Variants in SLC5A4 observed in about 807,000 individuals in gnomAD.
SLC5A4 encodes the protein solute carrier family 5 member 4, also known as probable glucose sensor protein SLC5A4.
A neutral mutation model predicts 70.3 loss-of-function variants in SLC5A4; 55 were observed. The ratio of observed to expected loss-of-function variants is 0.78; its 90% confidence interval spans 0.63 to 0.98. The LOEUF is 0.98. Among genes scored for constraint, SLC5A4 ranks in the 50% least tolerant of loss-of-function variants. The pLI, the probability that SLC5A4 is intolerant of heterozygous loss-of-function variation, is 0.00. For synonymous variants in SLC5A4, 268 were observed against 305.7 expected (o/e 0.88, Z 1.29); for missense variants, 735 against 839.2 (o/e 0.88, Z 1.53).
At chr22:32,290,583 G>T in the SLC5A4 span, among the ~76,000 whole-genome samples, 1 of 152,012 alleles carries the variant, frequency 6.6e-6, no homozygotes, top group African/African-American at 2.4e-5. Flanking sequence ...GTCCTTTTGG[G>T]TTGCTGTGAC....
chr22:32,254,192 C>G lies in SLC5A4; in HGVS notation c.157G>C (p.Gly53Arg), dbSNP rs1399275118. ...GLWAMLKTNR[G>R]TIGGFFLAGR... ...GCGAGGAAGAAGCCTCCTATAGTAC[C>G]TCGGTTGGTCTTCAGCATCGCCTGA... The change falls in exon 2 of 15, where the codon GGT becomes CGT. Residue 53 changes from glycine (G) to arginine (R), a missense_variant. Physicochemically the swap from Gly to Arg is moderately radical, Grantham distance 125. Transcript: ENST00000266086. 6.2e-7 allele frequency: 1 copy of G among 1,613,984 alleles called. No homozygotes were observed. Among genetic ancestry groups the G allele is most frequent in the Non-Finnish European group, 8.5e-7 (1 of 1,179,888 alleles).
At position 32,239,071 on chromosome 22, in the gene SLC5A4, G is replaced by C; in HGVS notation, c.497C>G (p.Ala166Gly). Residue 166 changes from alanine (A) to glycine (G), a missense_variant, in exon 6 of 15, where the codon GCC becomes GGC. By Grantham distance (60) the Ala-to-Gly change is moderately conservative (BLOSUM62 0). Transcript: ENST00000266086. ...LLISADIFAG[A>G]IFIKLALGLD... ...TCCCAAGGCCAGCTTGATGAATATG[G>C]CTCCAGCAAATATGTCTGCCTAAAA... 1 of 1,613,618 alleles carries C rather than the reference G, an allele frequency of 6.2e-7. No homozygotes were observed. The highest frequency in any genetic ancestry group is 8.5e-7 in the Non-Finnish European group (1 of 1,179,628).
At chr22:32,228,619 T>A (rs962752690) in intron 11 of SLC5A4, among the ~76,000 whole-genome samples, 1 of 151,760 alleles carries the variant, frequency 6.6e-6, no homozygotes, top group African/African-American at 2.4e-5. Flanking sequence ...TGGTATCGAT[T>A]TTTTTCCTCT....
chr22:32,306,651 C>A, the SLC5A4 span, among the ~76,000 whole-genome samples: 1 of 152,262 alleles, frequency 6.6e-6, no homozygotes, highest in East Asian at 1.9e-4. Flanking sequence ...ATATTTCCAT[C>A]CCCCAACCCC....
At chr22:32,339,705 A>G in the SLC5A4 span, among the ~76,000 whole-genome samples, 2 of 152,192 alleles carry the variant, frequency 1.3e-5, no homozygotes, top group African/African-American at 4.8e-5. Flanking sequence ...GCAGGGGAAA[A>G]GACAAACCCC....
chr22:32,291,380 T>C, the SLC5A4 span, among the ~76,000 whole-genome samples: 1 of 152,174 alleles, frequency 6.6e-6, no homozygotes, highest in African/African-American at 2.4e-5. Flanking sequence ...GGTTTCACCG[T>C]ATTGGTCAGG....
the SLC5A4 span, among the ~76,000 whole-genome samples, chr22:32,316,934 C>CTCTGTGTGTG: frequency 1.3e-3 from 189 of 148,730 alleles, 2 homozygotes; most frequent in African/African-American, 4.7e-3. Context: ...ATTAACAACT[C>CTCTGTGTGTG]TGTGTGTGTG....
chr22:32,255,163 C>T (rs940377888), intron 1 of SLC5A4, 32 bp downstream of exon 1: 2 of 1,609,218 alleles, frequency 1.2e-6, no homozygotes, highest in Non-Finnish European at 8.5e-7. Context: ...AAACCTTGTG[C>T]CCACCCTAAA....
At chr22:32,320,206 C>A in the SLC5A4 span, among the ~76,000 whole-genome samples, 1 of 152,194 alleles carries the variant, frequency 6.6e-6, no homozygotes, top group Admixed American at 6.5e-5. Context: ...GCCACCCTGA[C>A]ACTGATCAAA....
the SLC5A4 span, among the ~76,000 whole-genome samples, chr22:32,276,250 A>G: frequency 6.6e-6 from 1 of 152,376 alleles, no homozygotes; most frequent in African/African-American, 2.4e-5. Context: ...TAAGACAATC[A>G]ATATTTTGTA....
At chr22:32,307,937 G>C in the SLC5A4 span, among the ~76,000 whole-genome samples, 1 of 68,140 alleles carries the variant, frequency 1.5e-5, no homozygotes, top group East Asian at 4.8e-4. Flanking sequence ...ATTCTTACAT[G>C]TTTCCAACCC....
At chr22:32,315,931 G>A in the SLC5A4 span, among the ~76,000 whole-genome samples, 7 of 152,158 alleles carry the variant, frequency 4.6e-5, no homozygotes, top group East Asian at 1.4e-3. Flanking sequence ...CACTTTGGGA[G>A]GCCAAGGCAG....
At chr22:32,268,009 A>G in the SLC5A4 span, among the ~76,000 whole-genome samples, 1 of 152,182 alleles carries the variant, frequency 6.6e-6, no homozygotes, top group Non-Finnish European at 1.5e-5. Flanking sequence ...CTGTAGTCCC[A>G]GGTACTTGGG....
chr22:32,307,311 G>A, the SLC5A4 span, among the ~76,000 whole-genome samples: 5 of 152,304 alleles, frequency 3.3e-5, no homozygotes, highest in South Asian at 8.3e-4. Context: ...AGCATCAGCT[G>A]TTGGCCAGGG....
At chr22:32,335,193 T>C in the SLC5A4 span, among the ~76,000 whole-genome samples, 4 of 152,142 alleles carry the variant, frequency 2.6e-5, no homozygotes, top group African/African-American at 9.7e-5. Context: ...CTTCTCTGGC[T>C]CTGCCCAGTG....
At chr22:32,352,663 C>G in the SLC5A4 span, among the ~76,000 whole-genome samples, 1 of 152,130 alleles carries the variant, frequency 6.6e-6, no homozygotes, top group African/African-American at 2.4e-5. Context: ...TGCCCCCCAA[C>G]GCTCCGACCT....
chr22:32,339,897 C>T, the SLC5A4 span, among the ~76,000 whole-genome samples: 5 of 152,316 alleles, frequency 3.3e-5, no homozygotes, highest in Admixed American at 6.5e-5. Context: ...CAGGTGCTTT[C>T]GGGGACCCCC....
chr22:32,312,236 G>A, the SLC5A4 span, among the ~76,000 whole-genome samples: 3 of 152,098 alleles, frequency 2.0e-5, no homozygotes, highest in African/African-American at 7.2e-5. Context: ...GAAGCTTGCA[G>A]CCTGAACATT....
chr22:32,316,167 G>C, the SLC5A4 span, among the ~76,000 whole-genome samples: 1 of 151,322 alleles, frequency 6.6e-6, no homozygotes, highest in East Asian at 1.9e-4. Context: ...GGATGATGGT[G>C]ATGGTTGCAC....
Sources: gnomAD v4.1 joint callset for allele counts (sites outside exome capture counted in the v4.1 genomes callset) on GRCh38, gnomAD v4.1.1 for gene constraint, MANE v1.5 for transcripts, NCBI Gene and HGNC (gene_info 2026-07-23, HGNC 2026-07-21) for gene names.